The following SETD1A variants were observed in gnomAD, a reference collection of about 807,000 sequenced individuals.
SETD1A encodes the protein histone-lysine N-methyltransferase SETD1A.
In SETD1A, 29 loss-of-function variants were observed where a neutral mutation model predicts 149.9. That is an observed-to-expected ratio of 0.19 (90% CI 0.14 to 0.26). SETD1A has a LOEUF of 0.26. Ranked by LOEUF, SETD1A falls within the 10% of genes least tolerant of loss-of-function variation. The probability of loss-of-function intolerance (pLI) is 1.00; values close to 1 mark genes in which losing one functional copy is unlikely to be tolerated. For synonymous variants in SETD1A, 1,141 were observed against 968.5 expected (o/e 1.18, Z -3.31); for missense variants, 2,109 against 2,353.1 (o/e 0.90, Z 2.15).
intron 4 of SETD1A, 78 bp from the exon 5 acceptor site, chr16:30,963,355 C>A: frequency 7.3e-7 from 1 of 1,375,250 alleles, no homozygotes; most frequent in South Asian, 1.5e-5. Flanking sequence ...AACTTGAGGC[C>A]TGAGAAAGCA....
rs930335937 is a variant in SETD1A, at chr16:30,966,742, T to C, written c.2506-142T>C. On this transcript the variant is annotated intron_variant, in intron 8 of 18. Coordinates refer to ENST00000262519, the MANE Select transcript of SETD1A (RefSeq NM_014712.3). ...ATGACAGACTTTTGAGAAAATGCCG[T>C]GCGGGGGCTGGGACAGGTGTGACCA... The C allele has an allele frequency of 8.3e-6, 8 of 958,572 alleles. No individual in the cohort carries two copies. The African/African-American group carries it at 1.3e-4, about 16-fold the overall frequency. The allele number at this position is 958,572 out of a possible 1,614,324, so 59.4% of individuals were successfully genotyped here.
chr16:30,974,453 C>T (rs367741439), intron 13 of SETD1A, among the ~76,000 whole-genome samples: 10 of 152,012 alleles, frequency 6.6e-5, no homozygotes, highest in African/African-American at 2.2e-4. Flanking sequence ...AAGCAGGGCC[C>T]GAGGAGGCTG....
chr16:30,958,896 C>G lies in SETD1A; in HGVS notation c.150+15C>G. The G allele has an allele frequency of 1.2e-6, 2 of 1,613,722 alleles. No individual in the cohort carries two copies. The highest frequency in any genetic ancestry group is 1.7e-6 in the Non-Finnish European group (2 of 1,179,690). On this transcript the variant is annotated intron_variant, in intron 2 of 18. Transcript: ENST00000262519. ...TCAGTGTCAACGTGAGTGCCCGGGTCTTTGGTTGCCATCCGGGGAGCTCCA... is the reference window on the plus strand; with the variant it reads ...TCAGTGTCAACGTGAGTGCCCGGGTGTTTGGTTGCCATCCGGGGAGCTCCA...
intron 9 of SETD1A, 67 bp downstream of exon 9, chr16:30,967,127 A>G: frequency 1.7e-6 from 2 of 1,151,782 alleles, no homozygotes; most frequent in Non-Finnish European, 2.4e-6. Context: ...TCCTTGGGGT[A>G]GGGGTGGTCA....
At chr16:30,976,862 G>A (rs2056290814) in intron 13 of SETD1A, among the ~76,000 whole-genome samples, 1 of 152,110 alleles carries the variant, frequency 6.6e-6, no homozygotes, top group Admixed American at 6.6e-5. Context: ...TCTGGATAGT[G>A]AGAGGGCACG....
At position 30,979,638 on chromosome 16, in the gene SETD1A, C is replaced by T. The variant is rs754884290; in HGVS notation, c.3852C>T (p.Asp1284=). Reference sequence around the variant, plus strand: ...ACTCAGAGGCCACAGAGACATCGGACGAGGCCGAGCGCCCTAGGCCCCTGC... The same window carrying T: ...ACTCAGAGGCCACAGAGACATCGGATGAGGCCGAGCGCCCTAGGCCCCTGC... ...VEDSEATETS[D]EAERPRPLLS... The change falls in exon 14 of 19, where the codon GAC becomes GAT. Residue 1284 remains aspartate, a synonymous_variant. Transcript: ENST00000262519. The T allele has an allele frequency of 1.4e-5, 22 of 1,610,352 alleles. No homozygotes were observed. Among genetic ancestry groups the T allele is most frequent in the African/African-American group, 8.0e-5 (6 of 74,900 alleles).
Position 30,965,790 on chromosome 16 carries a change from A to G in SETD1A, c.1909A>G (p.Arg637Gly). ...CCAACCTGCCTACCTCCTCCCACCC[A>G]GACCTGATGGGCCGCCGCCCCCTGA... ...PHQPAYLLPPRPDGPPPPEYP... is the reference protein window; with the variant it reads ...PHQPAYLLPPGPDGPPPPEYP... The change falls in exon 8 of 19, where the codon AGA becomes GGA. Residue 637 changes from arginine (R) to glycine (G), a missense_variant. Arg to Gly is a moderately radical substitution (Grantham distance 125, BLOSUM62 -2). Coordinates refer to ENST00000262519, the MANE Select transcript of SETD1A (RefSeq NM_014712.3). The G allele has an allele frequency of 7.2e-7, 1 of 1,390,308 alleles. No individual in the cohort carries two copies. Among genetic ancestry groups the G allele is most frequent in the Non-Finnish European group, 9.5e-7 (1 of 1,047,560 alleles). 86.1% of individuals were successfully genotyped at this position (1,390,308 alleles called of 1,614,324 possible).
At position 30,965,046 on chromosome 16, in the gene SETD1A, C is replaced by T. The variant is rs377576775; in HGVS notation, c.1304C>T (p.Pro435Leu). Residue 435 changes from proline (P) to leucine (L), a missense_variant, in exon 7 of 19, where the codon CCG becomes CTG. Physicochemically the swap from Pro to Leu is moderately conservative, Grantham distance 98. Around this residue, in one of 8 missense-constraint regions of SETD1A, gnomAD observed 410 missense variants for 394.8 expected, o/e 1.04. Transcript: ENST00000262519. The stretch of plus-strand genomic sequence containing the variant: ...CCTCCTGCCTCAGAGGCTCCACCCC[C>T]GGAGCCTCCAGAACCTGGTGGAGGC... ...YRPPASEAPPPEPPEPGGGGG... is the reference protein window; with the variant it reads ...YRPPASEAPPLEPPEPGGGGG... 35 of 1,612,304 alleles carry T rather than the reference C, an allele frequency of 2.2e-5. No homozygotes were observed. The highest frequency in any genetic ancestry group is 2.0e-4 in the South Asian group (18 of 91,056).
chr16:30,968,503 C>T (rs1053243349), intron 10 of SETD1A, among the ~76,000 whole-genome samples: 4 of 151,336 alleles, frequency 2.6e-5, no homozygotes, highest in Non-Finnish European at 2.9e-5. Context: ...CACACATATG[C>T]GTATCTGTAT....
chr16:30,982,127 T>A (rs1259755164), intron 17 of SETD1A, among the ~76,000 whole-genome samples: 1 of 152,122 alleles, frequency 6.6e-6, no homozygotes. Context: ...GTGTGTGCGC[T>A]TGGTTGCGAG....
chr16:30,982,175 T>C (rs892583378), intron 17 of SETD1A, among the ~76,000 whole-genome samples: 2 of 152,040 alleles, frequency 1.3e-5, no homozygotes, highest in Non-Finnish European at 2.9e-5. Flanking sequence ...GGTCGTCTTG[T>C]GAGAGTGTGG....
Position 30,980,456 on chromosome 16 carries a change from G to C in SETD1A, c.4409-29G>C, listed in dbSNP as rs1360671105. Reference sequence around the variant, plus strand: ...GGCTGGGACGCAGGTGGCCAGAGAGGAGCCGTTCTCTTCCTTAACACCCTG... The same window carrying C: ...GGCTGGGACGCAGGTGGCCAGAGAGCAGCCGTTCTCTTCCTTAACACCCTG... On this transcript the variant is annotated intron_variant, in intron 14 of 18. Coordinates refer to ENST00000262519, the MANE Select transcript of SETD1A (RefSeq NM_014712.3). The surrounding 1 kb of genome is among the most constrained non-coding windows in gnomAD (Gnocchi z 7.7). The C allele has an allele frequency of 1.3e-6, 2 of 1,594,964 alleles. No homozygotes were observed. The highest frequency in any genetic ancestry group is 2.7e-5 in the African/African-American group (2 of 74,590).
chr16:30,958,012 G>GCGCCGC (rs1201272821), intron 1 of SETD1A, 48 bp downstream of exon 1: 2 of 151,612 alleles, frequency 1.3e-5, no homozygotes, highest in Non-Finnish European at 2.9e-5. Flanking sequence ...TGGTGGGGGG[G>GCGCCGC]CGCCGCCGCC....
chr16:30,983,936 G>A lies in SETD1A; in HGVS notation c.5037G>A (p.Glu1679=), dbSNP rs191845401. ...AGCAGCCCATTGGCGTGGACGAGGA[G>A]ATCACCTACGACTACAAGTTCCCAC... is the stretch of plus-strand genomic sequence containing the variant. ...YSKQPIGVDE[E]ITYDYKFPLE... The change falls in exon 19 of 19, where the codon GAG becomes GAA. Residue 1679 remains glutamate, a synonymous_variant. Coordinates refer to ENST00000262519, the MANE Select transcript of SETD1A (RefSeq NM_014712.3). This position sits in a 1 kb window ranked among gnomAD's most constrained non-coding sequence, Gnocchi z 6.8. 4 of 1,614,094 alleles carry A rather than the reference G, an allele frequency of 2.5e-6. No homozygotes were observed. The highest frequency in any genetic ancestry group is 4.5e-5 in the East Asian group (2 of 44,888).
rs766340255 is a variant in SETD1A at position 30,964,812 on chromosome 16, C to T, written c.1070C>T (p.Ser357Phe). 5.6e-6 allele frequency: 9 copies of T among 1,614,116 alleles called. No homozygotes were observed. The highest frequency in any genetic ancestry group is 7.6e-6 in the Non-Finnish European group (9 of 1,180,056). Residue 357 changes from serine to phenylalanine, a missense_variant, in exon 7 of 19, where the codon TCT becomes TTT. Around this residue, in one of 8 missense-constraint regions of SETD1A, gnomAD observed 410 missense variants for 394.8 expected, o/e 1.04. Transcript: ENST00000262519. ...TCGTCATCCTCTTCCTCCTCGTCCT[C>T]TCAGTTTCGTAGTTCTGATGCAAAC... ...SSSSSSSSSS[S>F]QFRSSDANYP... is the part of the protein sequence containing the mutation.
At chr16:30,979,061 A>G in intron 13 of SETD1A, 84 bp from the exon 14 acceptor site, 1 of 1,373,196 alleles carries the variant, frequency 7.3e-7, no homozygotes, top group South Asian at 1.5e-5. Context: ...GGGGGAGAGC[A>G]CACAGCCTGT....
At chr16:30,978,435 C>T (rs1251409890) in intron 13 of SETD1A, among the ~76,000 whole-genome samples, 1 of 152,080 alleles carries the variant, frequency 6.6e-6, no homozygotes, top group Non-Finnish European at 1.5e-5. Context: ...AGGGAGGATG[C>T]ACTCCCCGTC....
At position 30,980,744 on chromosome 16, in the gene SETD1A, G is replaced by A. The variant is rs911988165; in HGVS notation, c.4587G>A (p.Thr1529=). Residue 1529 remains threonine (T), a synonymous_variant, in exon 16 of 19, where the codon ACG becomes ACA. Coordinates refer to ENST00000262519, the MANE Select transcript of SETD1A (RefSeq NM_014712.3). This position sits in a 1 kb window ranked among gnomAD's most constrained non-coding sequence, Gnocchi z 7.7. ...CCCTGCCGTGTGTCTCACAGGGGAC[G>A]AACCGCGTGCTGTCCGAGCGCCGGT... ...RQLEGVDTQG[T]NRVLSERRSE... The A allele has an allele frequency of 9.9e-6, 16 of 1,612,412 alleles. No homozygotes were observed. The highest frequency in any genetic ancestry group is 4.0e-5 in the African/African-American group (3 of 74,934).
At position 30,961,752 on chromosome 16, in the gene SETD1A, C is replaced by G. The variant is rs1008591861; in HGVS notation, c.517+215C>G. On this transcript the variant is annotated intron_variant, in intron 4 of 18. Coordinates refer to ENST00000262519, the MANE Select transcript of SETD1A (RefSeq NM_014712.3). The surrounding 1 kb of genome is among the most constrained non-coding windows in gnomAD (Gnocchi z 4.0). ...GCAAGGTCGGGCAATAGGCCATAAT[C>G]AAGCACATAACTATCTGTAAAAAAA... Among the ~76,000 whole-genome samples the G allele has an allele frequency of 6.7e-6, 1 of 150,372 alleles. No homozygotes were observed. The highest frequency in any genetic ancestry group is 2.5e-5 in the African/African-American group (1 of 40,760).
Sources: allele counts gnomAD v4.1 joint callset (sites outside exome capture counted in the v4.1 genomes callset), GRCh38; gene constraint gnomAD v4.1.1; regional missense constraint gnomAD v4.1.1; non-coding constraint Gnocchi (gnomAD v3.1); transcripts MANE v1.5; gene names NCBI Gene and HGNC (gene_info 2026-07-23, HGNC 2026-07-21).